The following CD226 variants were observed in gnomAD, a reference collection of about 807,000 sequenced individuals.
CD226 encodes CD226 molecule.
Under a neutral mutation model 34.9 loss-of-function variants are expected in CD226, and 24 were observed. That is an observed-to-expected ratio of 0.69 (90% CI 0.50 to 0.97). The LOEUF (loss-of-function observed/expected upper bound fraction) is 0.97, where lower values mean the gene tolerates loss of function less well. Among genes scored for constraint, CD226 ranks in the 50% least tolerant of loss-of-function variants. CD226 has a pLI of 0.00. For synonymous variants in CD226, 148 were observed against 147.4 expected, an observed-to-expected ratio of 1.00 and a Z score of -0.03; for missense variants, 397 against 412.7, an observed-to-expected ratio of 0.96 and a Z score of 0.33.
chr18:69,888,459 C>T (rs1204347657), intron 3 of CD226, among the ~76,000 whole-genome samples: 2 of 131,500 alleles, frequency 1.5e-5, no homozygotes, highest in Admixed American at 9.2e-5. Context: ...GGCTCTGTTG[C>T]CCAGGCTGCA....
At chr18:69,943,772 A>G (rs1470859924) in intron 2 of CD226, among the ~76,000 whole-genome samples, 1 of 152,228 alleles carries the variant, frequency 6.6e-6, no homozygotes, top group Non-Finnish European at 1.5e-5. Context: ...CTGTAAAATC[A>G]GGCAATACAA....
chr18:69,887,932 G>A (rs1016240046), intron 3 of CD226, among the ~76,000 whole-genome samples: 1 of 152,148 alleles, frequency 6.6e-6, no homozygotes, highest in Non-Finnish European at 1.5e-5. Context: ...ATAGCTTAAA[G>A]ATAGAAATTG....
chr18:69,865,047 C>T lies in CD226; in HGVS notation c.886-608G>A, dbSNP rs559609805. Among the ~76,000 whole-genome samples, 21 of 152,224 alleles carry T rather than the reference C, an allele frequency of 1.4e-4. No homozygotes were observed. In the East Asian group the frequency reaches 2.1e-3, roughly 15 times the overall value. On this transcript the variant is annotated intron_variant, in intron 5 of 5. Coordinates refer to ENST00000582621, the MANE Select transcript of CD226 (RefSeq NM_001303618.2). ...TCGCTCTGTTGCCCAAGCTGGAGTG[C>T]AGTGGCGCAATCTAGGCTCACTGCA...
At chr18:69,933,561 T>A (rs1051772104) in intron 2 of CD226, among the ~76,000 whole-genome samples, 5 of 152,194 alleles carry the variant, frequency 3.3e-5, no homozygotes, top group Non-Finnish European at 7.3e-5. Context: ...TGCATTACAG[T>A]CACTTGGCCC....
At chr18:69,879,581 G>A (rs1225520713) in intron 3 of CD226, among the ~76,000 whole-genome samples, 1 of 152,086 alleles carries the variant, frequency 6.6e-6, no homozygotes, top group Non-Finnish European at 1.5e-5. Flanking sequence ...TTCTTAAGGT[G>A]CCCAGATTTC....
upstream of CD226, among the ~76,000 whole-genome samples, chr18:69,959,048 G>C (rs2055917548): frequency 6.6e-6 from 1 of 152,118 alleles, no homozygotes; most frequent in Non-Finnish European, 1.5e-5. Flanking sequence ...CATTTCCAAA[G>C]AAACACAGGC....
intron 2 of CD226, among the ~76,000 whole-genome samples, chr18:69,937,568 G>T (rs2055670695): frequency 6.6e-6 from 1 of 151,968 alleles, no homozygotes; most frequent in East Asian, 1.9e-4. Context: ...ATCCTATTTA[G>T]AGCTAAGATC....
intron 2 of CD226, among the ~76,000 whole-genome samples, chr18:69,933,148 G>A (rs1030738927): frequency 2.0e-5 from 3 of 152,084 alleles, no homozygotes; most frequent in African/African-American, 7.2e-5. Flanking sequence ...GCCTGCTTTT[G>A]TGCCTCCTAT....
upstream of CD226, among the ~76,000 whole-genome samples, chr18:69,950,971 T>TTGTGTGTGTGTGTG (rs57098005): frequency 4.1e-4 from 55 of 132,606 alleles, 2 homozygotes; most frequent in African/African-American, 1.6e-3. Flanking sequence ...AACTATGATT[T>TTGTGTGTGTGTGTG]TGTGTGTGTG....
intron 2 of CD226, among the ~76,000 whole-genome samples, chr18:69,933,068 G>C (rs1286338034): frequency 6.6e-6 from 1 of 152,106 alleles, no homozygotes; most frequent in African/African-American, 2.4e-5. Context: ...TGCACCGTGG[G>C]GGCAGTGTCC....
At chr18:69,912,695 T>A (rs1335487931) in intron 2 of CD226, among the ~76,000 whole-genome samples, 1 of 152,256 alleles carries the variant, frequency 6.6e-6, no homozygotes, top group Non-Finnish European at 1.5e-5. Context: ...CAGCTATAGT[T>A]TGAGGACTTA....
intron 2 of CD226, among the ~76,000 whole-genome samples, chr18:69,909,572 A>T (rs957627426): frequency 6.6e-6 from 1 of 152,242 alleles, no homozygotes; most frequent in African/African-American, 2.4e-5. Flanking sequence ...TAACAATATT[A>T]AAAAACCAGT....
intron 3 of CD226, among the ~76,000 whole-genome samples, chr18:69,888,370 G>A (rs985212334): frequency 5.9e-4 from 89 of 151,266 alleles, no homozygotes; most frequent in Non-Finnish European, 1.2e-3. Flanking sequence ...TCATTTGAAA[G>A]GTCTCAAATA....
At chr18:69,921,380 C>T (rs997986499) in intron 2 of CD226, among the ~76,000 whole-genome samples, 2 of 152,114 alleles carry the variant, frequency 1.3e-5, no homozygotes, top group Non-Finnish European at 2.9e-5. Flanking sequence ...TGGGAAGCTT[C>T]GCCAGCTTTG....
chr18:69,897,216 C>T (rs1187255828), intron 2 of CD226, among the ~76,000 whole-genome samples: 1 of 152,140 alleles, frequency 6.6e-6, no homozygotes, highest in African/African-American at 2.4e-5. Context: ...ATTTCTAATA[C>T]AGTAAACATG....
chr18:69,887,424 T>A (rs1215769388), intron 3 of CD226, among the ~76,000 whole-genome samples: 1 of 152,194 alleles, frequency 6.6e-6, no homozygotes, highest in African/African-American at 2.4e-5. Context: ...AGGATAACTA[T>A]ACTTGGTGAG....
At chr18:69,946,136 A>T (rs1389219885) in intron 2 of CD226, among the ~76,000 whole-genome samples, 1 of 147,928 alleles carries the variant, frequency 6.8e-6, no homozygotes, top group African/African-American at 2.5e-5. Context: ...GTGAGCCAAG[A>T]TCATGCTACT....
intron 3 of CD226, among the ~76,000 whole-genome samples, chr18:69,877,536 T>C (rs1051713266): frequency 2.0e-5 from 3 of 152,194 alleles, no homozygotes; most frequent in Admixed American, 6.5e-5. Context: ...GCAAGTCCTG[T>C]CCAGACTTTA....
intron 2 of CD226, among the ~76,000 whole-genome samples, chr18:69,902,895 CTA>C (rs1173173688): frequency 9.9e-5 from 15 of 152,104 alleles, no homozygotes; most frequent in African/African-American, 3.1e-4. Context: ...TGTGCCTAGA[CTA>C]TGAATATGCT....
Sources: allele counts gnomAD v4.1 joint callset (sites outside exome capture counted in the v4.1 genomes callset), GRCh38; gene constraint gnomAD v4.1.1; transcripts MANE v1.5; gene names NCBI Gene and HGNC (gene_info 2026-07-23, HGNC 2026-07-21).